The following PCDH11X variants were observed in gnomAD, a reference collection of about 807,000 sequenced individuals.
The protein encoded by PCDH11X is protocadherin-11 X-linked.
PCDH11X carries 18 observed loss-of-function variants against 53.3 expected under a neutral mutation model. The ratio of observed to expected loss-of-function variants is 0.34; its 90% CI spans 0.23 to 0.50. The LOEUF (loss-of-function observed/expected upper bound fraction) is 0.50, where lower values mean the gene tolerates loss of function less well. PCDH11X is among the 20% of genes least tolerant of loss of function. The probability of loss-of-function intolerance (pLI) is 0.98; values close to 1 mark genes in which losing one functional copy is unlikely to be tolerated. For missense variants in PCDH11X, 570 were observed against 1,032.4 expected (o/e 0.55, Z 6.14); for synonymous variants, 279 against 393.3 (o/e 0.71, Z 3.44).
intron 7 of PCDH11X, among the ~76,000 whole-genome samples, chrX:92,212,641 C>T (rs750353042): frequency 3.2e-4 from 36 of 112,347 alleles, no homozygotes; most frequent in Non-Finnish European, 6.4e-4. Context: ...TGAGCCACCG[C>T]ACCTGGCCTG....
intron 6 of PCDH11X, among the ~76,000 whole-genome samples, chrX:91,888,996 A>T (rs1008785538): frequency 2.7e-5 from 3 of 112,207 alleles, no homozygotes; most frequent in Non-Finnish European, 5.6e-5. Flanking sequence ...TTATCCAAAA[A>T]TATTTTCAGT....
intron 6 of PCDH11X, among the ~76,000 whole-genome samples, chrX:92,170,185 T>A (rs1172503154): frequency 9.0e-6 from 1 of 111,338 alleles, no homozygotes; most frequent in Non-Finnish European, 1.9e-5. Context: ...AATCTGAGAA[T>A]CCCAAGGAAC....
At chrX:92,105,736 A>C (rs1273808684) in intron 6 of PCDH11X, among the ~76,000 whole-genome samples, 1 of 109,316 alleles carries the variant, frequency 9.1e-6, no homozygotes, top group African/African-American at 3.3e-5. Context: ...TTCACAAGGT[A>C]ATGTCATCAG....
chrX:92,169,636 CACT>C (rs2065790006), intron 6 of PCDH11X, among the ~76,000 whole-genome samples: 1 of 102,360 alleles, frequency 9.8e-6, no homozygotes, highest in Non-Finnish European at 2.0e-5. Flanking sequence ...TTAGTCTAAC[CACT>C]TTCCTCTATT....
rs1051630252 is a variant in PCDH11X, at chrX:92,513,568, A to G, written c.3367+45246A>G. Among the ~76,000 whole-genome samples the G allele has an allele frequency of 1.1e-3, 118 of 107,254 alleles. 2 individuals carry two copies. Among genetic ancestry groups the G allele is most frequent in the Non-Finnish European group, 2.0e-3 (102 of 51,848 alleles). The allele number at this position is 107,254 out of a possible 115,157, so 93.1% of individuals were successfully genotyped here. A position where few individuals can be genotyped will look rare whatever the true frequency, so the allele number is the denominator to read the frequency against. The stretch of plus-strand genomic sequence containing the variant: ...ATCTCAATGTATAAATATTATTTCT[A>G]TTGAAAATCTTAACAACTCAGGCTT... On this transcript the variant is annotated intron_variant, in intron 10 of 10. Transcript: ENST00000682573.
In PCDH11X at chrX:91,879,239, C is replaced by T; in HGVS notation, c.2999C>T (p.Thr1000Ile). 1 of 1,211,746 alleles carries T rather than the reference C, an allele frequency of 8.3e-7. No homozygotes were observed. Residue 1000 changes from threonine (T) to isoleucine (I), a missense_variant, in exon 6 of 11, where the codon ACC becomes ATC. Thr to Ile is a moderately conservative substitution (Grantham distance 89). Transcript: ENST00000682573. ...TCTGACTGTGGCTATCCAGTGACGACCTTCGAGGTACCTGTGTCCGTACAC... is the reference window on the plus strand; with the variant it reads ...TCTGACTGTGGCTATCCAGTGACGATCTTCGAGGTACCTGTGTCCGTACAC... ...SVSDCGYPVT[T>I]FEVPVSVHTR...
intron 9 of PCDH11X, among the ~76,000 whole-genome samples, chrX:92,403,339 GTTTTTTTTTT>G (rs1191277649): frequency 4.1e-5 from 2 of 49,363 alleles, no homozygotes; most frequent in Non-Finnish European, 6.9e-5. Flanking sequence ...GTTTTTTTTT[GTTTTTTTTTT>G]TTTTTTTTTT....
At chrX:92,188,993 A>G (rs1316899040) in intron 6 of PCDH11X, among the ~76,000 whole-genome samples, 3 of 111,699 alleles carry the variant, frequency 2.7e-5, no homozygotes, top group Non-Finnish European at 5.6e-5. Context: ...AGTTTAATCT[A>G]GTGACATGAC....
chrX:92,085,358 GC>G (rs760876571), intron 6 of PCDH11X, among the ~76,000 whole-genome samples: 3 of 109,719 alleles, frequency 2.7e-5, no homozygotes, highest in Non-Finnish European at 5.7e-5. Flanking sequence ...ATAGGCTCCT[GC>G]TTATTTAATT....
At chrX:92,173,574 G>GA (rs66610440) in intron 6 of PCDH11X, among the ~76,000 whole-genome samples, 5,166 of 107,860 alleles carry the variant, frequency 0.048, 280 homozygotes, top group East Asian at 0.42. Context: ...CAGTCACATA[G>GA]AAAAAAAAAT....
intron 10 of PCDH11X, among the ~76,000 whole-genome samples, chrX:92,504,892 A>C (rs2074021961): frequency 1.1e-5 from 1 of 94,100 alleles, no homozygotes; most frequent in Non-Finnish European, 2.3e-5. Context: ...AATGTTGAGC[A>C]ATTTTTCATA....
intron 6 of PCDH11X, among the ~76,000 whole-genome samples, chrX:92,029,807 T>C (rs1419740688): frequency 3.6e-5 from 4 of 111,899 alleles, no homozygotes; most frequent in Non-Finnish European, 5.6e-5. Flanking sequence ...TTGAACATAA[T>C]TTTTCATAAT....
At chrX:92,185,123 G>A (rs2066067825) in intron 6 of PCDH11X, among the ~76,000 whole-genome samples, 1 of 110,585 alleles carries the variant, frequency 9.0e-6, no homozygotes, top group South Asian at 3.8e-4. Flanking sequence ...GCCTGTGCCT[G>A]TAGTTCCAGC....
rs1249262957 is a variant in PCDH11X, at chrX:92,221,278, A to AATACACACAC, written c.3114+19824_3114+19825insTACACACACA. On this transcript the variant is annotated intron_variant, in intron 7 of 10. Coordinates refer to ENST00000682573, the MANE Select transcript of PCDH11X (RefSeq NM_032968.5). ...TTTTAAAAAAGAAAACATTGTATAC[A>AATACACACAC]ACACACACACACACACACACACACA... 7.4e-3 allele frequency among the ~76,000 whole-genome samples: 654 copies of AATACACACAC among 88,006 alleles called. 20 individuals carry two copies. Among genetic ancestry groups the AATACACACAC allele is most frequent in the Admixed American group, 0.016 (113 of 6,960 alleles). The allele number at this position is 88,006 out of a possible 115,157, so 76.4% of individuals were successfully genotyped here. A position where few individuals can be genotyped will look rare whatever the true frequency, so the allele number is the denominator to read the frequency against.
At chrX:91,819,028 A>G (rs1216391171) in intron 4 of PCDH11X, among the ~76,000 whole-genome samples, 3 of 112,115 alleles carry the variant, frequency 2.7e-5, no homozygotes, top group Non-Finnish European at 5.6e-5. Flanking sequence ...CAGAACTTGT[A>G]TATTCTTGAT....
Position 92,542,173 on chromosome X carries a change from G to A in PCDH11X, c.3367+73851G>A, listed in dbSNP as rs749412011. On this transcript the variant is annotated intron_variant, in intron 10 of 10. Transcript: ENST00000682573. ...AATTTCGCTTAAAAATTCTTGAATT[G>A]AATAAACTGAAATTCAACACCTATT... is the stretch of plus-strand genomic sequence containing the variant. Among the ~76,000 whole-genome samples, 5 of 111,487 alleles carry A rather than the reference G, an allele frequency of 4.5e-5. No homozygotes were observed. The South Asian group carries it at 1.9e-3, about 42-fold the overall frequency.
At chrX:92,463,419 T>G (rs1452269866) in intron 9 of PCDH11X, among the ~76,000 whole-genome samples, 1 of 109,928 alleles carries the variant, frequency 9.1e-6, no homozygotes, top group Non-Finnish European at 1.9e-5. Context: ...GAGCAAATAG[T>G]TTTGGATATA....
intron 10 of PCDH11X, among the ~76,000 whole-genome samples, chrX:92,491,335 C>T (rs1019942830): frequency 2.3e-4 from 25 of 111,082 alleles, no homozygotes; most frequent in Non-Finnish European, 4.5e-4. Context: ...GTGCATTCCT[C>T]CCTGTATTGC....
chrX:92,168,252 A>G (rs1453824679), intron 6 of PCDH11X, among the ~76,000 whole-genome samples: 2 of 108,085 alleles, frequency 1.9e-5, no homozygotes, highest in Admixed American at 2.0e-4. Flanking sequence ...CCAGCTGACA[A>G]TAGTCCTTTA....
Sources: allele counts gnomAD v4.1 joint callset (sites outside exome capture counted in the v4.1 genomes callset), GRCh38; gene constraint gnomAD v4.1.1; transcripts MANE v1.5; gene names NCBI Gene and HGNC (gene_info 2026-07-23, HGNC 2026-07-21).